The following CDIN1 variants were observed in gnomAD, a reference collection of about 807,000 sequenced individuals.
CDIN1 encodes the protein CDAN1 interacting nuclease 1.
A neutral mutation model predicts 45.3 loss-of-function variants in CDIN1; 33 were observed. That is an observed-to-expected ratio of 0.73 (90% CI 0.55 to 0.97). The LOEUF is 0.97. Ranked by LOEUF, CDIN1 falls within the 50% of genes least tolerant of loss-of-function variation. CDIN1 has a pLI of 0.00. For missense variants in CDIN1, 303 were observed against 339.4 expected (o/e 0.89, Z 0.84); for synonymous variants, 118 against 124.4 (o/e 0.95, Z 0.34).
chr15:36,679,061 G>A (rs1327918813), intron 5 of CDIN1, among the ~76,000 whole-genome samples: 3 of 152,136 alleles, frequency 2.0e-5, no homozygotes, highest in Non-Finnish European at 4.4e-5. Context: ...TTCCAAGAGT[G>A]ACAACACATT....
intron 10 of CDIN1, among the ~76,000 whole-genome samples, chr15:36,746,669 C>CCACACACACACACACACA (rs34320677): frequency 0.047 from 6,624 of 141,350 alleles, 199 homozygotes; most frequent in East Asian, 0.15. Context: ...ATATATGGTT[C>CCACACACACACACACACA]CACACACACA....
At chr15:36,690,547 C>T (rs991716309) in intron 5 of CDIN1, among the ~76,000 whole-genome samples, 7 of 152,108 alleles carry the variant, frequency 4.6e-5, no homozygotes, top group Non-Finnish European at 1.0e-4. Context: ...GGATTACAGA[C>T]GTGAGCCACC....
At chr15:36,643,037 A>C (rs541851816) in intron 1 of CDIN1, among the ~76,000 whole-genome samples, 1 of 152,326 alleles carries the variant, frequency 6.6e-6, no homozygotes, top group South Asian at 2.1e-4. Flanking sequence ...ATTTTATATA[A>C]AATTGGCTCT....
intron 1 of CDIN1, among the ~76,000 whole-genome samples, chr15:36,583,457 A>C (rs1402436014): frequency 6.6e-6 from 1 of 152,206 alleles, no homozygotes; most frequent in African/African-American, 2.4e-5. Flanking sequence ...ACGTGGTCTC[A>C]GAATCCTTCA....
At chr15:36,666,177 GA>G (rs1048249728) in intron 5 of CDIN1, among the ~76,000 whole-genome samples, 2 of 152,068 alleles carry the variant, frequency 1.3e-5, no homozygotes, top group Non-Finnish European at 2.9e-5. Context: ...CTAGGGGATA[GA>G]ATTTTTGCCT....
At chr15:36,604,434 C>CAA (rs2038262431) in intron 1 of CDIN1, among the ~76,000 whole-genome samples, 1 of 151,074 alleles carries the variant, frequency 6.6e-6, no homozygotes, top group African/African-American at 2.4e-5. Context: ...CACACACACA[C>CAA]ACACACACAC....
chr15:36,673,017 G>A lies in CDIN1; in HGVS notation c.346+15112G>A, dbSNP rs758294977. 5.9e-4 allele frequency among the ~76,000 whole-genome samples: 90 copies of A among 152,160 alleles called. 1 individual carries two copies. The highest frequency in any genetic ancestry group is 1.2e-3 in the Non-Finnish European group (84 of 67,982). ...AGACGAAAAGGCATTAGAAGGTCCC[G>A]GCTCTGTCAGGTGAGGAAGAGCAGG... On this transcript the variant is annotated intron_variant, in intron 5 of 10. Coordinates refer to ENST00000566621, the MANE Select transcript of CDIN1 (RefSeq NM_001321759.2).
chr15:36,605,407 ACT>A (rs1184950304), intron 1 of CDIN1, among the ~76,000 whole-genome samples: 2 of 152,176 alleles, frequency 1.3e-5, no homozygotes, highest in Non-Finnish European at 2.9e-5. Context: ...CTTTGTAGAA[ACT>A]CAACTAGATT....
chr15:36,754,212 T>C (rs2053548091), intron 10 of CDIN1, among the ~76,000 whole-genome samples: 1 of 152,038 alleles, frequency 6.6e-6, no homozygotes, highest in Non-Finnish European at 1.5e-5. Context: ...GGAGGTCAGG[T>C]GATTTGTATT....
At chr15:36,664,522 A>G (rs976802496) in intron 5 of CDIN1, among the ~76,000 whole-genome samples, 10 of 152,004 alleles carry the variant, frequency 6.6e-5, no homozygotes, top group Non-Finnish European at 1.3e-4. Context: ...AATGCTTCCA[A>G]CTGTTCGCAA....
At chr15:36,611,674 C>T (rs954432092) in intron 1 of CDIN1, among the ~76,000 whole-genome samples, 3 of 152,106 alleles carry the variant, frequency 2.0e-5, no homozygotes, top group African/African-American at 4.8e-5. Context: ...TTTTGGGAAT[C>T]GAATACTTTA....
intron 5 of CDIN1, among the ~76,000 whole-genome samples, chr15:36,666,587 C>A (rs2041257866): frequency 2.0e-5 from 3 of 152,152 alleles, no homozygotes; most frequent in Admixed American, 2.0e-4. Context: ...TCCTTAGATA[C>A]CAATTTGGAC....
In CDIN1 at chr15:36,690,843, T is replaced by C. The variant is rs376704905; in HGVS notation, c.347-842T>C. 3.9e-5 allele frequency among the ~76,000 whole-genome samples: 6 copies of C among 152,118 alleles called. No homozygotes were observed. In the South Asian group the frequency reaches 8.3e-4, roughly 21 times the overall value. ...AGCCTAGAGACCTGCCCTTCTCCCA[T>C]GCATTAAAAGGAATTCTGGCTACTG... On this transcript the variant is annotated intron_variant, in intron 5 of 10. Coordinates refer to ENST00000566621, the MANE Select transcript of CDIN1 (RefSeq NM_001321759.2).
At chr15:36,581,534 A>G (rs772816338) in intron 1 of CDIN1, among the ~76,000 whole-genome samples, 1 of 152,240 alleles carries the variant, frequency 6.6e-6, no homozygotes, top group Non-Finnish European at 1.5e-5. Context: ...TTCCACAGGA[A>G]ACTTTATTTA....
chr15:36,645,936 A>G (rs913771303), intron 3 of CDIN1, among the ~76,000 whole-genome samples: 4 of 148,418 alleles, frequency 2.7e-5, no homozygotes, highest in Admixed American at 2.1e-4. Context: ...ATAAATTTCA[A>G]CTTCTTGTTC....
intron 5 of CDIN1, among the ~76,000 whole-genome samples, chr15:36,666,679 G>A (rs1381311937): frequency 6.6e-6 from 1 of 151,982 alleles, no homozygotes; most frequent in East Asian, 1.9e-4. Context: ...TTTCTCCTGG[G>A]TTAGAATGCC....
chr15:36,625,684 C>T (rs1383807521), intron 1 of CDIN1, among the ~76,000 whole-genome samples: 1 of 152,168 alleles, frequency 6.6e-6, no homozygotes, highest in Non-Finnish European at 1.5e-5. Flanking sequence ...CAGAGTTGAA[C>T]TCGGGAGAGC....
At chr15:36,744,965 T>G (rs914971620) in intron 10 of CDIN1, among the ~76,000 whole-genome samples, 1 of 152,178 alleles carries the variant, frequency 6.6e-6, no homozygotes, top group African/African-American at 2.4e-5. Context: ...GCAATCACTT[T>G]TGTATACATC....
At chr15:36,768,690 G>T (rs189054312) in intron 10 of CDIN1, among the ~76,000 whole-genome samples, 55 of 152,272 alleles carry the variant, frequency 3.6e-4, no homozygotes, top group African/African-American at 1.3e-3. Flanking sequence ...TGGTCAGAGT[G>T]GGGTGGAACT....
Sources: allele counts gnomAD v4.1 joint callset (sites outside exome capture counted in the v4.1 genomes callset), GRCh38; gene constraint gnomAD v4.1.1; transcripts MANE v1.5; gene names NCBI Gene and HGNC (gene_info 2026-07-23, HGNC 2026-07-21).